POU6F1: variants seen among roughly 807,000 people sequenced by gnomAD.
POU6F1 encodes POU class 6 homeobox 1, also known as POU domain, class 6, transcription factor 1.
POU6F1 carries 9 observed loss-of-function variants against 28.9 expected under a neutral mutation model. That is an observed-to-expected ratio of 0.31 (90% CI 0.19 to 0.54). POU6F1 has a LOEUF of 0.54. Among genes scored for constraint, POU6F1 ranks in the 20% least tolerant of loss-of-function variants. The pLI is 0.94. For synonymous variants in POU6F1, 173 were observed against 171.1 expected, an observed-to-expected ratio of 1.01 and a Z score of -0.09; for missense variants, 338 against 426.1, an observed-to-expected ratio of 0.79 and a Z score of 1.82.
At chr12:51,195,938 GCCCCACC>G in intron 8 of POU6F1, 25 bp downstream of exon 8, 1 of 916,152 alleles carries the variant, frequency 1.1e-6, no homozygotes, top group Non-Finnish European at 1.7e-6. Context: ...AGCAGAGCCT[GCCCCACC>G]CCCCACCCCC....
chr12:51,195,491 G>C (rs980734751), intron 8 of POU6F1, among the ~76,000 whole-genome samples: 4 of 113,062 alleles, frequency 3.5e-5, no homozygotes, highest in Non-Finnish European at 7.1e-5. Context: ...ATTCATCTTT[G>C]TGTCTTCAGC....
At chr12:51,212,220 A>G (rs1944046526) in intron 1 of POU6F1, among the ~76,000 whole-genome samples, 1 of 151,824 alleles carries the variant, frequency 6.6e-6, no homozygotes, top group African/African-American at 2.4e-5. Flanking sequence ...CAGCCTCCTG[A>G]GTAGCTGGGA....
Position 51,189,648 on chromosome 12 carries a change from G to C in POU6F1, c.*599C>G, listed in dbSNP as rs1337377293. On this transcript the variant is annotated 3_prime_UTR_variant, in exon 11 of 11. Coordinates refer to ENST00000333640, the MANE Select transcript of POU6F1 (RefSeq NM_001330422.2). ...AGCCCCAGGGGTTTGGGAACCTTCT[G>C]ACCTTGAGGTCAAGGCAGACATGGA... 6.5e-6 allele frequency: 1 copy of C among 153,728 alleles called. No individual in the cohort carries two copies. The highest frequency in any genetic ancestry group is 1.4e-5 in the Non-Finnish European group (1 of 68,990). 9.5% of individuals were successfully genotyped at this position (153,728 alleles called of 1,614,324 possible). A position where few individuals can be genotyped will look rare whatever the true frequency, so the allele number is the denominator to read the frequency against.
chr12:51,211,730 A>C (rs1288066315), intron 1 of POU6F1, among the ~76,000 whole-genome samples: 1 of 152,098 alleles, frequency 6.6e-6, no homozygotes. Flanking sequence ...TCCAGCCTGC[A>C]CTCCTTGACA....
At position 51,188,509 on chromosome 12, in the gene POU6F1, T is replaced by C. The variant is rs969069194; in HGVS notation, c.*1738A>G. ...GTGTATGTGTGTGTGTGTGCGCGCGTCTGTGCGCGCTGCACGTGCGTGTGC... is the reference window on the plus strand; with the variant it reads ...GTGTATGTGTGTGTGTGTGCGCGCGCCTGTGCGCGCTGCACGTGCGTGTGC... On this transcript the variant is annotated 3_prime_UTR_variant, in exon 11 of 11. Coordinates refer to ENST00000333640, the MANE Select transcript of POU6F1 (RefSeq NM_001330422.2). 4 of 152,416 alleles carry C rather than the reference T, an allele frequency of 2.6e-5. No individual in the cohort carries two copies. Among genetic ancestry groups the C allele is most frequent in the Middle Eastern group, 3.4e-3 (1 of 294 alleles). 9.4% of individuals were successfully genotyped at this position (152,416 alleles called of 1,614,324 possible).
At chr12:51,213,812 G>A (rs1233148845) in intron 1 of POU6F1, among the ~76,000 whole-genome samples, 2 of 151,924 alleles carry the variant, frequency 1.3e-5, no homozygotes, top group South Asian at 2.1e-4. Context: ...GATTACAGGC[G>A]TGAGCCACCA....
intron 6 of POU6F1, among the ~76,000 whole-genome samples, chr12:51,197,212 G>A (rs1942893409): frequency 6.7e-6 from 1 of 150,342 alleles, no homozygotes; most frequent in Non-Finnish European, 1.5e-5. Flanking sequence ...GGGTCTACCG[G>A]CTGGATGGTT....
At position 51,196,920 on chromosome 12, in the gene POU6F1, G is replaced by T; in HGVS notation, c.854C>A (p.Ala285Asp). Reference sequence around the variant, plus strand: ...CTGGGTCTGTCCCCCGAGGGAAGCAGCACTGATCTGTGGGTGGAGGAAGAG... The same window carrying T: ...CTGGGTCTGTCCCCCGAGGGAAGCATCACTGATCTGTGGGTGGAGGAAGAG... ...GFAFSPGIIS[A>D]ASLGGQTQIL... The change falls in exon 7 of 11, where the codon GCT becomes GAT. Residue 285 changes from alanine (A) to aspartate (D), a missense_variant. Ala to Asp is a moderately radical substitution (Grantham distance 126). Transcript: ENST00000333640. 2 of 1,570,922 alleles carry T rather than the reference G, an allele frequency of 1.3e-6. No individual in the cohort carries two copies. The highest frequency in any genetic ancestry group is 1.7e-6 in the Non-Finnish European group (2 of 1,142,890).
chr12:51,215,393 G>T (rs1301735114), intron 1 of POU6F1, among the ~76,000 whole-genome samples: 2 of 151,314 alleles, frequency 1.3e-5, no homozygotes, highest in Admixed American at 6.6e-5. Flanking sequence ...CGTCTCTACT[G>T]AAAATACAAA....
In POU6F1 at chr12:51,187,116, T is replaced by A. The variant is rs889339997; in HGVS notation, c.*3131A>T. ...AGGAAATCTGGGCATGGGAAGGTAA[T>A]TGGATTTCCAAGAACACAAAAATGT... On this transcript the variant is annotated 3_prime_UTR_variant, in exon 11 of 11. Coordinates refer to ENST00000333640, the MANE Select transcript of POU6F1 (RefSeq NM_001330422.2). 6.6e-6 allele frequency: 1 copy of A among 152,116 alleles called. No homozygotes were observed. The highest frequency in any genetic ancestry group is 1.5e-5 in the Non-Finnish European group (1 of 68,018). 9.4% of individuals were successfully genotyped at this position (152,116 alleles called of 1,614,324 possible).
chr12:51,194,466 C>T (rs1169003137), intron 8 of POU6F1, among the ~76,000 whole-genome samples: 1 of 152,048 alleles, frequency 6.6e-6, no homozygotes, highest in African/African-American at 2.4e-5. Context: ...TGTGGCAAAA[C>T]CCTGTCTCTA....
chr12:51,207,038 T>C, intron 1 of POU6F1, 155 bp from the exon 2 acceptor site: 1 of 373,236 alleles, frequency 2.7e-6, no homozygotes. Flanking sequence ...AGGATTCTTT[T>C]TTTTTGAGAC....
At chr12:51,191,315 T>A (rs1942387864) in intron 10 of POU6F1, among the ~76,000 whole-genome samples, 1 of 152,264 alleles carries the variant, frequency 6.6e-6, no homozygotes, top group Non-Finnish European at 1.5e-5. Flanking sequence ...ACTCCTTTCC[T>A]GCTAGAATTC....
In POU6F1 at chr12:51,190,594, T is replaced by G. The variant is rs1942337451; in HGVS notation, c.1491-2A>C. Reference sequence around the variant, plus strand: ...GGTGTGATGTCTAGCTTCTCGAACCTGTGGGCAACCCATACCCAGGAAGAG... The same window carrying G: ...GGTGTGATGTCTAGCTTCTCGAACCGGTGGGCAACCCATACCCAGGAAGAG... On this transcript the variant is annotated splice_acceptor_variant, in intron 10 of 10. Transcript: ENST00000333640. LOFTEE classifies it high-confidence loss of function. This position sits in a 1 kb window ranked among gnomAD's most constrained non-coding sequence, Gnocchi z 4.5. The G allele has an allele frequency of 6.2e-7, 1 of 1,611,654 alleles. No homozygotes were observed. Among genetic ancestry groups the G allele is most frequent in the African/African-American group, 1.3e-5 (1 of 74,812 alleles).
intron 3 of POU6F1, among the ~76,000 whole-genome samples, chr12:51,200,108 G>C (rs995529024): frequency 6.6e-6 from 1 of 152,170 alleles, no homozygotes; most frequent in Non-Finnish European, 1.5e-5. Flanking sequence ...TGGGAGGTAG[G>C]CCACCCCTTC....
rs1943410813 is a variant in POU6F1, at chr12:51,204,195, C to T, written c.222G>A (p.Leu74=). 1 of 399,190 alleles carries T rather than the reference C, an allele frequency of 2.5e-6. No individual in the cohort carries two copies. Among genetic ancestry groups the T allele is most frequent in the Non-Finnish European group, 4.4e-6 (1 of 226,244 alleles). The allele number at this position is 399,190 out of a possible 1,614,324, so 24.7% of individuals were successfully genotyped here. ...QAAGEAGPDN[L]GSSAEATVKS... ...TACCAGTTGCCTCTGCAGAGGAGCC[C>T]AGGTTGTCTGGCCCAGCTTCACCAG... Residue 74 remains leucine, a synonymous_variant, in exon 3 of 11, where the codon CTG becomes CTA. Coordinates refer to ENST00000333640, the MANE Select transcript of POU6F1 (RefSeq NM_001330422.2).
intron 1 of POU6F1, among the ~76,000 whole-genome samples, chr12:51,214,653 T>C (rs1213454255): frequency 1.3e-5 from 2 of 151,020 alleles, no homozygotes; most frequent in African/African-American, 4.9e-5. Flanking sequence ...AATAGGAGAG[T>C]AGAGTCAAGG....
At chr12:51,214,149 TAAATAAATAA>T (rs1312508550) in intron 1 of POU6F1, among the ~76,000 whole-genome samples, 1 of 150,320 alleles carries the variant, frequency 6.7e-6, no homozygotes, top group East Asian at 2.0e-4. Context: ...GTCAAAAAAA[TAAATAAATAA>T]AAATAAATAA....
chr12:51,208,138 G>C (rs937446673), intron 1 of POU6F1, among the ~76,000 whole-genome samples: 7 of 151,846 alleles, frequency 4.6e-5, no homozygotes, highest in Non-Finnish European at 8.8e-5. Flanking sequence ...AATTAGCTGG[G>C]CATGATGGCG....
Sources: gnomAD v4.1 joint callset for allele counts (sites outside exome capture counted in the v4.1 genomes callset) on GRCh38, gnomAD v4.1.1 for gene constraint, Gnocchi (gnomAD v3.1) non-coding constraint, MANE v1.5 for transcripts, NCBI Gene and HGNC (gene_info 2026-07-23, HGNC 2026-07-21) for gene names.